Variants in FNDC5 observed in about 807,000 individuals in gnomAD.
FNDC5 encodes fibronectin type III domain containing 5.
A neutral mutation model predicts 24.6 loss-of-function variants in FNDC5; 10 were observed. The observed-to-expected ratio is 0.41, with a 90% confidence interval of 0.25 to 0.69. The LOEUF (loss-of-function observed/expected upper bound fraction) is 0.69, where lower values mean the gene tolerates loss of function less well. FNDC5 is among the 30% of genes least tolerant of loss of function. The pLI is 0.34. For missense variants in FNDC5, 226 were observed against 282.9 expected (o/e 0.80, Z 1.44); for synonymous variants, 90 against 110.7 (o/e 0.81, Z 1.18).
chr1:32,863,517 G>C lies in FNDC5; in HGVS notation c.*777C>G, dbSNP rs1641002063. ...GTCTCATGCAGCTTTGCCTTTTCCA[G>C]AATGGGGCCAGGCCTTTTAGTTTTG... On this transcript the variant is annotated 3_prime_UTR_variant, in exon 6 of 6. Coordinates refer to ENST00000373471, the MANE Select transcript of FNDC5 (RefSeq NM_153756.3). 1 of 385,842 alleles carries C rather than the reference G, an allele frequency of 2.6e-6. No individual in the cohort carries two copies. The highest frequency in any genetic ancestry group is 4.8e-6 in the Non-Finnish European group (1 of 208,052). The allele number at this position is 385,842 out of a possible 1,614,324, so 23.9% of individuals were successfully genotyped here.
intron 4 of FNDC5, among the ~76,000 whole-genome samples, chr1:32,865,665 A>G (rs1461703725): frequency 6.6e-6 from 1 of 152,026 alleles, no homozygotes; most frequent in Admixed American, 6.5e-5. Flanking sequence ...AAAACAAACA[A>G]AAAAACCTCT....
At chr1:32,865,179 A>C (rs1252260567) in intron 4 of FNDC5, among the ~76,000 whole-genome samples, 1 of 151,868 alleles carries the variant, frequency 6.6e-6, no homozygotes, top group Non-Finnish European at 1.5e-5. Flanking sequence ...GGTTCACTGC[A>C]ACCTCTGCCT....
In FNDC5 at chr1:32,867,774, C is replaced by T. The variant is rs200824057; in HGVS notation, c.478G>A (p.Val160Met). 11 of 1,614,068 alleles carry T rather than the reference C, an allele frequency of 6.8e-6. No individual in the cohort carries two copies. Among genetic ancestry groups the T allele is most frequent in the Admixed American group, 1.7e-5 (1 of 60,016 alleles). The stretch of plus-strand genomic sequence containing the variant: ...TCACCTGCCCACATGAACAGGACCA[C>T]GACGATGATCAGCACCTCGCCTGTC... Residue 160 changes from valine to methionine, a missense_variant, in exon 4 of 6, where the codon GTG (valine) becomes ATG (methionine). By Grantham distance (21) the Val-to-Met change is conservative (BLOSUM62 1). Coordinates refer to ENST00000373471, the MANE Select transcript of FNDC5 (RefSeq NM_153756.3).
At chr1:32,867,658 C>T in intron 4 of FNDC5, 95 bp downstream of exon 4, 1 of 1,248,420 alleles carries the variant, frequency 8.0e-7, no homozygotes, top group Non-Finnish European at 1.1e-6. Flanking sequence ...GATGTCCAAA[C>T]CCCTTACCCT....
At position 32,864,260 on chromosome 1, in the gene FNDC5, T is replaced by A. The variant is rs201474569; in HGVS notation, c.*34A>T. On this transcript the variant is annotated 3_prime_UTR_variant, in exon 6 of 6. Transcript: ENST00000373471. ...CTCTCACATTCTCTACTGTCTGTCT[T>A]CTTAGCTGCTGAGGGCAAGCACTGA... 6.2e-7 allele frequency: 1 copy of A among 1,614,068 alleles called. No homozygotes were observed. Among genetic ancestry groups the A allele is most frequent in the East Asian group, 2.2e-5 (1 of 44,894 alleles).
chr1:32,864,813 T>C lies in FNDC5; in HGVS notation c.500-16A>G. 6.2e-7 allele frequency: 1 copy of C among 1,613,638 alleles called. No individual in the cohort carries two copies. The highest frequency in any genetic ancestry group is 1.1e-5 in the South Asian group (1 of 91,048). On this transcript the variant is annotated splice_polypyrimidine_tract_variant and intron_variant, in intron 4 of 5. Coordinates refer to ENST00000373471, the MANE Select transcript of FNDC5 (RefSeq NM_153756.3). ...GCAATGACACCTGAGGGGGGACAAG[T>C]GAGCAGTCAGAGGCCAGAGCCTGGG... is the stretch of plus-strand genomic sequence containing the variant.
At chr1:32,867,889 C>T (rs768402369) in intron 3 of FNDC5, 47 bp from the exon 4 acceptor site, 2 of 1,580,952 alleles carry the variant, frequency 1.3e-6, no homozygotes, top group African/African-American at 1.3e-5. Context: ...CCTCCCTCAG[C>T]CACTCCTCTA....
intron 5 of FNDC5, 62 bp downstream of exon 5, chr1:32,864,602 T>G: frequency 6.2e-7 from 1 of 1,610,892 alleles, no homozygotes; most frequent in South Asian, 1.1e-5. Flanking sequence ...CCCTCTGCAG[T>G]CCAGGGATTA....
chr1:32,871,714 G>T (rs1641187820), upstream of FNDC5, among the ~76,000 whole-genome samples: 1 of 152,162 alleles, frequency 6.6e-6, no homozygotes. Context: ...GTGCTTAACT[G>T]AACTGTCTCC....
intron 1 of FNDC5, among the ~76,000 whole-genome samples, chr1:32,869,277 C>T (rs1226866219): frequency 6.6e-6 from 1 of 152,180 alleles, no homozygotes; most frequent in Non-Finnish European, 1.5e-5. Context: ...GGGCCTGGGC[C>T]GGGGCCCTAT....
chr1:32,868,153 C>A lies in FNDC5; in HGVS notation c.409+37G>T. 6.2e-7 allele frequency: 1 copy of A among 1,608,116 alleles called. No individual in the cohort carries two copies. The highest frequency in any genetic ancestry group is 1.1e-5 in the South Asian group (1 of 90,682). On this transcript the variant is annotated intron_variant, in intron 3 of 5. Coordinates refer to ENST00000373471, the MANE Select transcript of FNDC5 (RefSeq NM_153756.3). The surrounding 1 kb of genome is among the most constrained non-coding windows in gnomAD (Gnocchi z 4.8). ...CTGGTCTGGTCCTGACCACCCCTCA[C>A]CCCACCCCATTCCTCTTAACAGTGA...
At chr1:32,866,763 C>T (rs945755443) in intron 4 of FNDC5, among the ~76,000 whole-genome samples, 8 of 152,132 alleles carry the variant, frequency 5.3e-5, no homozygotes, top group Admixed American at 4.6e-4. Context: ...GGCCTGGCTT[C>T]GCCCAGATAG....
rs754211615 is a variant in FNDC5 at position 32,868,180 on chromosome 1, C to A, written c.409+10G>T. 3 of 1,613,690 alleles carry A rather than the reference C, an allele frequency of 1.9e-6. No individual in the cohort carries two copies. The highest frequency in any genetic ancestry group is 2.2e-5 in the East Asian group (1 of 44,886). On this transcript the variant is annotated intron_variant, in intron 3 of 5. Coordinates refer to ENST00000373471, the MANE Select transcript of FNDC5 (RefSeq NM_153756.3). The surrounding 1 kb of genome is among the most constrained non-coding windows in gnomAD (Gnocchi z 4.8). ...CCACCCCATTCCTCTTAACAGTGAC[C>A]CGGGCCTGCCTTTGTTCTTGGAGGC...
In FNDC5 at chr1:32,865,267, T is replaced by A. The variant is rs528433274; in HGVS notation, c.500-470A>T. 5.3e-5 allele frequency among the ~76,000 whole-genome samples: 8 copies of A among 151,836 alleles called. No individual in the cohort carries two copies. In the South Asian group the frequency reaches 1.7e-3, roughly 32 times the overall value. On this transcript the variant is annotated intron_variant, in intron 4 of 5. Transcript: ENST00000373471. ...GGTATGCGCCACCACGTCCGGCTAATTTTGTATTTTTAGTAGAGACGGGGT... is the reference window on the plus strand; with the variant it reads ...GGTATGCGCCACCACGTCCGGCTAAATTTGTATTTTTAGTAGAGACGGGGT...
At chr1:32,869,889 T>C (rs1641145745) in intron 1 of FNDC5, among the ~76,000 whole-genome samples, 1 of 151,496 alleles carries the variant, frequency 6.6e-6, no homozygotes, top group African/African-American at 2.4e-5. Context: ...GAGAGTGAAC[T>C]TGAGACCCAG....
At chr1:32,871,127 C>T (rs1468794329), upstream of FNDC5, among the ~76,000 whole-genome samples, 1 of 151,592 alleles carries the variant, frequency 6.6e-6, no homozygotes, top group African/African-American at 2.4e-5. Context: ...CGGGGTTCTC[C>T]GCGCCCCCGC....
Position 32,868,632 on chromosome 1 carries a change from T to TA in FNDC5, c.211-245dup, listed in dbSNP as rs1017230244. ...GCAGATGTCTCTGAGATCAAAACCT[T>TA]AATTTCTGTGTTCCACTTGAAAGTT... On this transcript the variant is annotated intron_variant, in intron 2 of 5. Transcript: ENST00000373471. This position sits in a 1 kb window ranked among gnomAD's most constrained non-coding sequence, Gnocchi z 4.8. Among the ~76,000 whole-genome samples, 8 of 152,164 alleles carry TA rather than the reference T, an allele frequency of 5.3e-5. No individual in the cohort carries two copies. Among genetic ancestry groups the TA allele is most frequent in the African/African-American group, 1.9e-4 (8 of 41,438 alleles).
chr1:32,869,438 G>A (rs1746661), intron 1 of FNDC5, among the ~76,000 whole-genome samples: 1 of 152,184 alleles, frequency 6.6e-6, no homozygotes, highest in Non-Finnish European at 1.5e-5. Flanking sequence ...GTGACCTTGC[G>A]CGAAGGAGAA....
rs1641122043 is a variant in FNDC5, at chr1:32,868,652, A to G, written c.210+230T>C. 6.6e-6 allele frequency among the ~76,000 whole-genome samples: 1 copy of G among 152,104 alleles called. No individual in the cohort carries two copies. Among genetic ancestry groups the G allele is most frequent in the Non-Finnish European group, 1.5e-5 (1 of 68,020 alleles). ...AACCTTAATTTCTGTGTTCCACTTG[A>G]AAGTTCCCAAACCCTCCCTCACTGA... On this transcript the variant is annotated intron_variant, in intron 2 of 5. Transcript: ENST00000373471. The surrounding 1 kb of genome is among the most constrained non-coding windows in gnomAD (Gnocchi z 4.8).
Sources: allele counts gnomAD v4.1 joint callset (sites outside exome capture counted in the v4.1 genomes callset), GRCh38; gene constraint gnomAD v4.1.1; non-coding constraint Gnocchi (gnomAD v3.1); transcripts MANE v1.5; gene names NCBI Gene and HGNC (gene_info 2026-07-23, HGNC 2026-07-21).